The following ATRNL1 variants were observed in gnomAD, a reference collection of about 807,000 sequenced individuals.
ATRNL1 encodes attractin like 1, also known as attractin-like protein 1.
A neutral mutation model predicts 182.7 loss-of-function variants in ATRNL1; 95 were observed. The ratio of observed to expected loss-of-function variants is 0.52; its 90% CI spans 0.44 to 0.62. ATRNL1 has a LOEUF of 0.62. ATRNL1 is among the 20% of genes least tolerant of loss of function. The pLI, the probability that ATRNL1 is intolerant of heterozygous loss-of-function variation, is 0.00. For missense variants in ATRNL1, 1,471 were observed against 1,679.5 expected (o/e 0.88, Z 2.17); for synonymous variants, 576 against 568.3 (o/e 1.01, Z -0.19).
chr10:115,457,205 A>G (rs996065161), intron 21 of ATRNL1, among the ~76,000 whole-genome samples: 2 of 151,986 alleles, frequency 1.3e-5, no homozygotes, highest in Non-Finnish European at 1.5e-5. Context: ...GGAGAGAGGG[A>G]CCCTGAAAGT....
At chr10:115,491,347 G>T (rs1849292217) in intron 24 of ATRNL1, among the ~76,000 whole-genome samples, 1 of 152,094 alleles carries the variant, frequency 6.6e-6, no homozygotes. Flanking sequence ...CCCCACAGCT[G>T]CCCCTTCCTG....
At chr10:115,521,675 T>C (rs1324047703) in intron 25 of ATRNL1, among the ~76,000 whole-genome samples, 1 of 152,212 alleles carries the variant, frequency 6.6e-6, no homozygotes, top group Non-Finnish European at 1.5e-5. Context: ...TGATCCTATT[T>C]ATTATGTTGT....
intron 18 of ATRNL1, among the ~76,000 whole-genome samples, chr10:115,331,665 A>T (rs1461922253): frequency 6.6e-6 from 1 of 151,464 alleles, no homozygotes; most frequent in Non-Finnish European, 1.5e-5. Context: ...TTGACAAATT[A>T]GGTATTTTTT....
At chr10:115,786,541 T>C (rs1274547268) in intron 27 of ATRNL1, among the ~76,000 whole-genome samples, 1 of 152,234 alleles carries the variant, frequency 6.6e-6, no homozygotes, top group African/African-American at 2.4e-5. Context: ...TTCCTTCTTA[T>C]GTGTCTTCAT....
chr10:115,107,384 T>C (rs1349097939), intron 1 of ATRNL1, among the ~76,000 whole-genome samples: 2 of 152,196 alleles, frequency 1.3e-5, no homozygotes, highest in Non-Finnish European at 2.9e-5. Context: ...GAACAAACAA[T>C]GTTAAATCTG....
At chr10:115,205,114 G>A (rs970642278) in intron 8 of ATRNL1, among the ~76,000 whole-genome samples, 2 of 151,870 alleles carry the variant, frequency 1.3e-5, no homozygotes, top group Non-Finnish European at 2.9e-5. Context: ...GCAAATTATT[G>A]TAGCTATTAT....
intron 27 of ATRNL1, among the ~76,000 whole-genome samples, chr10:115,774,451 A>T (rs1593198133): frequency 8.5e-6 from 1 of 118,214 alleles, no homozygotes; most frequent in East Asian, 2.6e-4. Context: ...AAAAAAAAAA[A>T]AAATTAGATT....
rs11197170 is a variant in ATRNL1, at chr10:115,336,733, C to T, written c.3175+2314C>T. Among the ~76,000 whole-genome samples, 170 of 152,214 alleles carry T rather than the reference C, an allele frequency of 1.1e-3. 2 individuals are homozygous for T. In the East Asian group the frequency reaches 0.032, roughly 28 times the overall value. Reference sequence around the variant, plus strand: ...AATTTACTTAATATATTTCTGTTGGCATTTATATAATGCTTCTAACCATAA... The same window carrying T: ...AATTTACTTAATATATTTCTGTTGGTATTTATATAATGCTTCTAACCATAA... On this transcript the variant is annotated intron_variant, in intron 19 of 28. Transcript: ENST00000355044.
At chr10:115,103,296 C>T (rs1554865093) in intron 1 of ATRNL1, among the ~76,000 whole-genome samples, 1 of 152,040 alleles carries the variant, frequency 6.6e-6, no homozygotes, top group East Asian at 1.9e-4. Context: ...GCCTCAGCCT[C>T]CCAAAGTGCT....
intron 18 of ATRNL1, among the ~76,000 whole-genome samples, chr10:115,330,346 T>C (rs571305256): frequency 1.3e-5 from 2 of 152,300 alleles, no homozygotes; most frequent in South Asian, 4.1e-4. Context: ...TCTGAATTTG[T>C]TTAGATACTT....
chr10:115,838,622 T>G (rs1565424891), intron 27 of ATRNL1, among the ~76,000 whole-genome samples: 1 of 152,292 alleles, frequency 6.6e-6, no homozygotes, highest in African/African-American at 2.4e-5. Context: ...GGGCTATAGC[T>G]GTAACATACT....
chr10:115,118,711 A>G (rs1844598490), intron 1 of ATRNL1, among the ~76,000 whole-genome samples: 1 of 152,154 alleles, frequency 6.6e-6, no homozygotes, highest in Admixed American at 6.6e-5. Context: ...ACCTTTTGGC[A>G]GTCTCTTCTA....
At chr10:115,275,160 G>A (rs1468179201) in intron 13 of ATRNL1, among the ~76,000 whole-genome samples, 1 of 152,102 alleles carries the variant, frequency 6.6e-6, no homozygotes, top group Non-Finnish European at 1.5e-5. Context: ...TCAAGGAACC[G>A]GTGTGAGTTT....
chr10:115,692,956 A>G (rs1380418070), intron 26 of ATRNL1, among the ~76,000 whole-genome samples: 4 of 152,064 alleles, frequency 2.6e-5, no homozygotes, highest in Non-Finnish European at 4.4e-5. Context: ...TCTTTATAAT[A>G]GGCAATATTG....
chr10:115,123,543 G>T (rs1554872388), intron 3 of ATRNL1, among the ~76,000 whole-genome samples: 1 of 152,144 alleles, frequency 6.6e-6, no homozygotes, highest in East Asian at 1.9e-4. Context: ...CAGGCTTAGA[G>T]TACATAGTAA....
intron 1 of ATRNL1, among the ~76,000 whole-genome samples, chr10:115,114,675 C>G (rs1268462): frequency 0.041 from 6,305 of 152,086 alleles, 433 homozygotes; most frequent in African/African-American, 0.14. Flanking sequence ...AAATGCAGAT[C>G]AAAACCACAA....
At chr10:115,844,826 A>G (rs1555098314) in intron 27 of ATRNL1, among the ~76,000 whole-genome samples, 1 of 152,086 alleles carries the variant, frequency 6.6e-6, no homozygotes, top group Non-Finnish European at 1.5e-5. Flanking sequence ...AAAGGCAGCA[A>G]TGGAAAATAC....
chr10:115,627,430 C>T (rs1858176218), intron 26 of ATRNL1, among the ~76,000 whole-genome samples: 1 of 151,990 alleles, frequency 6.6e-6, no homozygotes, highest in Non-Finnish European at 1.5e-5. Context: ...AGTGGTAAGA[C>T]CTCAGCTCAT....
chr10:115,431,774 G>A (rs1234875956), intron 21 of ATRNL1, among the ~76,000 whole-genome samples: 1 of 151,900 alleles, frequency 6.6e-6, no homozygotes, highest in Non-Finnish European at 1.5e-5. Flanking sequence ...TTATTCTCTA[G>A]CTTTTCCACA....
Sources: gnomAD v4.1 joint callset for allele counts (sites outside exome capture counted in the v4.1 genomes callset) on GRCh38, gnomAD v4.1.1 for gene constraint, MANE v1.5 for transcripts, NCBI Gene and HGNC (gene_info 2026-07-23, HGNC 2026-07-21) for gene names.